MPPE1: variants seen among roughly 807,000 people sequenced by gnomAD.
The protein encoded by MPPE1 is metallo phosphoesterase.
MPPE1 carries 28 observed loss-of-function variants against 43.8 expected under a neutral mutation model. The ratio of observed to expected loss-of-function variants is 0.64; its 90% CI spans 0.47 to 0.88. MPPE1 has a LOEUF of 0.88. MPPE1 is among the 40% of genes least tolerant of loss of function. MPPE1 has a pLI of 0.00. For synonymous variants in MPPE1, 159 were observed against 188.5 expected (o/e 0.84, Z 1.28); for missense variants, 428 against 492.2 (o/e 0.87, Z 1.23).
At chr18:11,907,648 C>A (rs934433135) in intron 1 of MPPE1, among the ~76,000 whole-genome samples, 2 of 139,796 alleles carry the variant, frequency 1.4e-5, no homozygotes, top group Non-Finnish European at 3.0e-5. Context: ...CGTGCCACTA[C>A]ACCTGGCTTT....
chr18:11,904,877 A>C (rs944471429), intron 2 of MPPE1, among the ~76,000 whole-genome samples: 16 of 152,098 alleles, frequency 1.1e-4, no homozygotes, highest in Non-Finnish European at 2.2e-4. Context: ...CAGGAGGCGG[A>C]GGTTGCAGTG....
intron 1 of MPPE1, among the ~76,000 whole-genome samples, chr18:11,907,209 T>C (rs1369700816): frequency 2.6e-5 from 4 of 152,198 alleles, no homozygotes; most frequent in Admixed American, 1.3e-4. Context: ...CAGCCTCTTA[T>C]TGTAACCCAA....
At chr18:11,884,680 C>A (rs886094662) in intron 10 of MPPE1, 53 bp from the exon 11 acceptor site, 2 of 1,562,174 alleles carry the variant, frequency 1.3e-6, no homozygotes, top group Non-Finnish European at 1.8e-6. Context: ...ACGTTGAACA[C>A]CGCAGTCTTA....
At chr18:11,904,267 A>G (rs1815845) in intron 2 of MPPE1, among the ~76,000 whole-genome samples, 57,080 of 151,720 alleles carry the variant, frequency 0.38, 13,738 homozygotes, top group African/African-American at 0.67. Flanking sequence ...AGAAGACCCT[A>G]ATAACCATGT....
chr18:11,900,278 C>T (rs890152839), intron 2 of MPPE1, among the ~76,000 whole-genome samples: 36 of 152,052 alleles, frequency 2.4e-4, no homozygotes, highest in Non-Finnish European at 8.8e-5. Flanking sequence ...ACCTGGGAGG[C>T]GGAGGTTGCA....
Position 11,889,489 on chromosome 18 carries a change from G to T in MPPE1, c.392C>A (p.Ala131Asp). 1 of 1,609,518 alleles carries T rather than the reference G, an allele frequency of 6.2e-7. No individual in the cohort carries two copies. Among genetic ancestry groups the T allele is most frequent in the South Asian group, 1.1e-5 (1 of 90,566 alleles). Residue 131 changes from alanine to aspartate, a missense_variant and splice_region_variant, in exon 5 of 11, where the codon GCC (alanine) becomes GAC (aspartate). Ala to Asp is a moderately radical substitution (Grantham distance 126). This residue lies in a region of MPPE1 where 379 missense variants were observed against 402.5 expected (regional missense o/e 0.94). Coordinates refer to ENST00000588072, the MANE Select transcript of MPPE1 (RefSeq NM_023075.6). ...AAACCGCTCCACATCATCCGCCCAG[G>T]CCTGAGGGAAAAAGAATCACTGCTG... ...FDEGKWSTPE[A>D]WADDVERFQK...
At chr18:11,885,620 T>C (rs1368259998) in intron 10 of MPPE1, 56 bp downstream of exon 10, 8 of 1,571,430 alleles carry the variant, frequency 5.1e-6, no homozygotes, top group Non-Finnish European at 7.0e-6. Context: ...AGTTGATTAC[T>C]GTGTTGATTT....
chr18:11,891,481 T>A (rs1385550585), intron 4 of MPPE1: 1 of 151,632 alleles, frequency 6.6e-6, no homozygotes, highest in East Asian at 1.9e-4. Flanking sequence ...CTGAAAAAAA[T>A]AAAAAAATAT....
chr18:11,886,775 G>T lies in MPPE1; in HGVS notation c.682C>A (p.Arg228Ser), dbSNP rs1232951574. ...CCAGGTCCACACCGGCTGGAGCCAC[G>T]TGCCTGCTGGGTACAAGTCAGGCCA... The part of the protein sequence containing the change: ...SHRLNCSREA[R>S]GSSRCGPGPL... The change falls in exon 8 of 11, where the codon CGT (arginine) becomes AGT (serine). Residue 228 changes from arginine (R) to serine (S), a missense_variant. This residue lies in a region of MPPE1 where 379 missense variants were observed against 402.5 expected (regional missense o/e 0.94). Coordinates refer to ENST00000588072, the MANE Select transcript of MPPE1 (RefSeq NM_023075.6). The surrounding 1 kb of genome is among the most constrained non-coding windows in gnomAD (Gnocchi z 4.1). 1 of 1,612,722 alleles carries T rather than the reference G, an allele frequency of 6.2e-7. No individual in the cohort carries two copies.
chr18:11,893,223 C>T (rs1019293246), intron 4 of MPPE1: 1 of 461,554 alleles, frequency 2.2e-6, no homozygotes, highest in African/African-American at 2.0e-5. Context: ...GGCTAATCGA[C>T]ATATTTCCTA....
At chr18:11,893,679 CCTT>C (rs1279952255) in intron 3 of MPPE1, 103 bp from the exon 4 acceptor site, 17 of 887,420 alleles carry the variant, frequency 1.9e-5, no homozygotes, top group Non-Finnish European at 2.8e-5. Context: ...GTTCCACTCT[CCTT>C]CTTCCAGAGC....
chr18:11,890,078 A>G (rs1350889338), intron 4 of MPPE1, among the ~76,000 whole-genome samples: 57 of 149,758 alleles, frequency 3.8e-4, no homozygotes, highest in South Asian at 2.1e-3. Context: ...GAGTAGCTGG[A>G]ACTACAGGCG....
intron 2 of MPPE1, 192 bp from the exon 3 acceptor site, chr18:11,897,548 C>T (rs1326389768): frequency 1.2e-5 from 4 of 345,588 alleles, no homozygotes; most frequent in African/African-American, 8.4e-5. Flanking sequence ...TTCAAGCTCT[C>T]CATACCTCCG....
At chr18:11,891,494 A>C (rs2037997955) in intron 4 of MPPE1, 1 of 152,192 alleles carries the variant, frequency 6.6e-6, no homozygotes, top group Admixed American at 6.5e-5. Context: ...AAAAATATAA[A>C]GTTAGAGTAA....
chr18:11,884,678 C>T lies in MPPE1; in HGVS notation c.1009-51G>A, dbSNP rs543037660. The T allele has an allele frequency of 9.1e-5, 143 of 1,566,424 alleles. 1 individual carries two copies. The South Asian group carries it at 1.6e-3, about 17-fold the overall frequency. ...CTGAGAGCACCAGGCACACGTTGAA[C>T]ACCGCAGTCTTAGAAACAGCAGAGG... On this transcript the variant is annotated intron_variant, in intron 10 of 10. Transcript: ENST00000588072.
At chr18:11,903,206 T>C (rs2039367860) in intron 2 of MPPE1, among the ~76,000 whole-genome samples, 1 of 152,150 alleles carries the variant, frequency 6.6e-6, no homozygotes, top group Non-Finnish European at 1.5e-5. Flanking sequence ...GACAATCTCC[T>C]GAGGGTCCAC....
rs1266911162 is a variant in MPPE1 at position 11,897,072 on chromosome 18, T to C, written c.193A>G (p.Thr65Ala). The C allele has an allele frequency of 1.3e-6, 2 of 1,533,562 alleles. No homozygotes were observed. Among genetic ancestry groups the C allele is most frequent in the South Asian group, 2.3e-5 (2 of 85,160 alleles). The allele number at this position is 1,533,562 out of a possible 1,614,324, so 95.0% of individuals were successfully genotyped here. ...KTTASDGEQT[T>A]REPVLKAMFL... Reference sequence around the variant, plus strand: ...ATGGCTTTGAGCACAGGCTCACGTGTGGTCTGTTCACCATCAGAGGCTGTG... The same window carrying C: ...ATGGCTTTGAGCACAGGCTCACGTGCGGTCTGTTCACCATCAGAGGCTGTG... The change falls in exon 3 of 11, where the codon ACA becomes GCA. Residue 65 changes from threonine (T) to alanine (A), a missense_variant. Thr to Ala is a moderately conservative substitution (Grantham distance 58). Coordinates refer to ENST00000588072, the MANE Select transcript of MPPE1 (RefSeq NM_023075.6).
chr18:11,903,595 A>C (rs936623632), intron 2 of MPPE1, among the ~76,000 whole-genome samples: 1 of 152,170 alleles, frequency 6.6e-6, no homozygotes, highest in African/African-American at 2.4e-5. Context: ...TCACAAGGTT[A>C]GGAGATCGAG....
At chr18:11,900,658 A>C (rs1385843961) in intron 2 of MPPE1, among the ~76,000 whole-genome samples, 1 of 152,164 alleles carries the variant, frequency 6.6e-6, no homozygotes, top group Non-Finnish European at 1.5e-5. Flanking sequence ...CTGTAATCCC[A>C]GCACTTTGGG....
Sources: gnomAD v4.1 joint callset for allele counts (sites outside exome capture counted in the v4.1 genomes callset) on GRCh38, gnomAD v4.1.1 for gene constraint, gnomAD v4.1.1 regional missense constraint, Gnocchi (gnomAD v3.1) non-coding constraint, MANE v1.5 for transcripts, NCBI Gene and HGNC (gene_info 2026-07-23, HGNC 2026-07-21) for gene names.